The following DTNA variants were observed in gnomAD, a reference collection of about 807,000 sequenced individuals.
DTNA encodes dystrophin-related protein 3.
Under a neutral mutation model 100.7 loss-of-function variants are expected in DTNA, and 43 were observed. The observed-to-expected ratio is 0.43, with a 90% CI of 0.33 to 0.55. The LOEUF is 0.55. Among genes scored for constraint, DTNA ranks in the 20% least tolerant of loss-of-function variants. The probability of loss-of-function intolerance (pLI) is 0.04; values close to 1 mark genes in which losing one functional copy is unlikely to be tolerated. For missense variants in DTNA, 798 were observed against 953.9 expected, an observed-to-expected ratio of 0.84 and a Z score of 2.15; for synonymous variants, 349 against 347.9, an observed-to-expected ratio of 1.00 and a Z score of -0.04.
At chr18:34,870,025 CA>C (rs904053192) in intron 17 of DTNA, among the ~76,000 whole-genome samples, 3 of 151,350 alleles carry the variant, frequency 2.0e-5, no homozygotes, top group Admixed American at 1.3e-4. Context: ...GACTCCGTCT[CA>C]AAAAAAAGGG....
At chr18:34,744,512 A>G (rs1034235308) in intron 1 of DTNA, among the ~76,000 whole-genome samples, 3 of 152,154 alleles carry the variant, frequency 2.0e-5, no homozygotes, top group Non-Finnish European at 4.4e-5. Context: ...CACATTTCCT[A>G]TAACACACAT....
chr18:34,696,192 A>C (rs950563354), intron 1 of DTNA, among the ~76,000 whole-genome samples: 1 of 152,190 alleles, frequency 6.6e-6, no homozygotes, highest in Non-Finnish European at 1.5e-5. Flanking sequence ...AGTGTGTTAC[A>C]TTTTAAAGGG....
At chr18:34,865,280 C>T (rs912840701) in intron 17 of DTNA, among the ~76,000 whole-genome samples, 6 of 146,070 alleles carry the variant, frequency 4.1e-5, no homozygotes, top group African/African-American at 1.3e-4. Context: ...TCCTTTCTTT[C>T]TCTTTTTTTT....
At chr18:34,602,935 A>C (rs1033764379) in intron 1 of DTNA, among the ~76,000 whole-genome samples, 1 of 151,970 alleles carries the variant, frequency 6.6e-6, no homozygotes, top group Non-Finnish European at 1.5e-5. Flanking sequence ...CCGGTGAGGC[A>C]GAGGTTGCAG....
At chr18:34,629,301 A>C (rs752869101) in intron 1 of DTNA, among the ~76,000 whole-genome samples, 6 of 152,222 alleles carry the variant, frequency 3.9e-5, no homozygotes, top group Non-Finnish European at 7.3e-5. Context: ...AACTACAGCA[A>C]TACTTACCAA....
chr18:34,856,449 C>T (rs1001233097), intron 15 of DTNA, among the ~76,000 whole-genome samples: 3 of 152,180 alleles, frequency 2.0e-5, no homozygotes, highest in Non-Finnish European at 4.4e-5. Context: ...GTAATGGTTC[C>T]TTATAGCACC....
rs2043355565 is a variant in DTNA, at chr18:34,533,421, T to C, written c.-2+39907T>C. Among the ~76,000 whole-genome samples the C allele has an allele frequency of 2.0e-5, 3 of 149,884 alleles. No homozygotes were observed. In the South Asian group the frequency reaches 6.4e-4, roughly 32 times the overall value. On this transcript the variant is annotated intron_variant, in intron 1 of 19. Coordinates refer to the DTNA transcript ENST00000283365. ...GTGGGACATGAAGATGCTTGCCAAGTTTAATGGCCCCAGTGTCTGATGTCT... is the reference window on the plus strand; with the variant it reads ...GTGGGACATGAAGATGCTTGCCAAGCTTAATGGCCCCAGTGTCTGATGTCT...
chr18:34,635,910 T>A lies in DTNA; in HGVS notation c.-1-120066T>A, dbSNP rs563834768. On this transcript the variant is annotated intron_variant, in intron 1 of 19. Transcript: ENST00000283365. ...GACAGCTTAATTCTTTTTTTTCAAT[T>A]AAAAAAAAAAACCTGTGAAATATCC... is the stretch of plus-strand genomic sequence containing the variant. 9.0e-3 allele frequency among the ~76,000 whole-genome samples: 1,318 copies of A among 146,988 alleles called. 21 individuals are homozygous for A. Among genetic ancestry groups the A allele is most frequent in the South Asian group, 0.052 (244 of 4,680 alleles).
At chr18:34,880,355 A>G (rs1395028400) in intron 20 of DTNA, among the ~76,000 whole-genome samples, 1 of 152,204 alleles carries the variant, frequency 6.6e-6, no homozygotes, top group Non-Finnish European at 1.5e-5. Context: ...AAATTAGTCA[A>G]CAGAGAAAAC....
chr18:34,768,670 A>G (rs1419785013), intron 3 of DTNA, among the ~76,000 whole-genome samples: 1 of 152,210 alleles, frequency 6.6e-6, no homozygotes, highest in Non-Finnish European at 1.5e-5. Flanking sequence ...CTGGGTGAAA[A>G]TAGAAGCTTA....
chr18:34,502,894 A>G (rs2040084166), intron 1 of DTNA, among the ~76,000 whole-genome samples: 3 of 152,118 alleles, frequency 2.0e-5, no homozygotes, highest in African/African-American at 7.2e-5. Context: ...GTTGCTGTCA[A>G]GTTCTTATAT....
intron 16 of DTNA, among the ~76,000 whole-genome samples, chr18:34,861,419 G>A (rs1220197433): frequency 1.3e-5 from 2 of 149,678 alleles, no homozygotes; most frequent in African/African-American, 4.9e-5. Flanking sequence ...CCGGGAGGCG[G>A]AGCTTGCAGT....
chr18:34,730,632 G>A (rs1030892353), intron 1 of DTNA, among the ~76,000 whole-genome samples: 3 of 152,172 alleles, frequency 2.0e-5, no homozygotes, highest in African/African-American at 7.2e-5. Context: ...CCAGTTGTCA[G>A]CTGGGACTTC....
intron 1 of DTNA, among the ~76,000 whole-genome samples, chr18:34,630,090 T>C (rs1295847026): frequency 6.6e-6 from 1 of 152,202 alleles, no homozygotes; most frequent in Non-Finnish European, 1.5e-5. Flanking sequence ...CCTTCACTTC[T>C]CTCTACCTCA....
intron 1 of DTNA, among the ~76,000 whole-genome samples, chr18:34,620,452 T>C (rs1189042777): frequency 6.6e-6 from 1 of 152,190 alleles, no homozygotes; most frequent in East Asian, 1.9e-4. Flanking sequence ...GAACAGGTAT[T>C]TGTGCGAAAT....
chr18:34,744,767 G>A (rs1371106051), intron 1 of DTNA, among the ~76,000 whole-genome samples: 3 of 152,144 alleles, frequency 2.0e-5, no homozygotes, highest in Admixed American at 6.6e-5. Flanking sequence ...ACTCACACAT[G>A]TCTTCAGTTA....
chr18:34,541,648 C>G lies in DTNA; in HGVS notation c.-2+48134C>G, dbSNP rs117537720. Reference sequence around the variant, plus strand: ...ATAAATTACCCAGTCTCCAGTATGTCTTTATTAGCAGTGTGAGAACAGACT... The same window carrying G: ...ATAAATTACCCAGTCTCCAGTATGTGTTTATTAGCAGTGTGAGAACAGACT... On this transcript the variant is annotated intron_variant, in intron 1 of 19. Transcript: ENST00000283365. Among the ~76,000 whole-genome samples the G allele has an allele frequency of 6.5e-3, 988 of 152,066 alleles. 4 individuals are homozygous for G. Among genetic ancestry groups the G allele is most frequent in the Middle Eastern group, 0.024 (7 of 294 alleles).
At chr18:34,706,008 C>T (rs1045547718), upstream of DTNA, among the ~76,000 whole-genome samples, 5 of 152,104 alleles carry the variant, frequency 3.3e-5, no homozygotes, top group African/African-American at 4.8e-5. Flanking sequence ...AGTGTAGTGG[C>T]GTGATCTCAG....
intron 1 of DTNA, among the ~76,000 whole-genome samples, chr18:34,502,213 C>T (rs1181300696): frequency 1.3e-5 from 2 of 152,176 alleles, no homozygotes; most frequent in South Asian, 2.1e-4. Context: ...GTCTTTAGTG[C>T]TATCCCATGT....
Sources: allele counts gnomAD v4.1 joint callset (sites outside exome capture counted in the v4.1 genomes callset), GRCh38; gene constraint gnomAD v4.1.1; transcripts MANE v1.5; gene names NCBI Gene and HGNC (gene_info 2026-07-23, HGNC 2026-07-21).